The following NCKAP1 variants were observed in gnomAD, a reference collection of about 807,000 sequenced individuals.
NCKAP1 encodes NCK associated protein 1.
A neutral mutation model predicts 151.2 loss-of-function variants in NCKAP1; 21 were observed. That is an observed-to-expected ratio of 0.14 (90% CI 0.10 to 0.20). The LOEUF (loss-of-function observed/expected upper bound fraction) is 0.20. NCKAP1 is among the 10% of genes least tolerant of loss of function. The pLI is 1.00. For missense variants in NCKAP1, 933 were observed against 1,352.1 expected (o/e 0.69, Z 4.86); for synonymous variants, 484 against 451.8 (o/e 1.07, Z -0.90).
intron 15 of NCKAP1, among the ~76,000 whole-genome samples, chr2:182,974,477 A>G (rs912061075): frequency 7.9e-5 from 12 of 152,132 alleles, no homozygotes; most frequent in Admixed American, 7.2e-4. Context: ...TTTGAATGGG[A>G]CCTAATCAAA....
chr2:182,999,605 G>A (rs1426649100), intron 6 of NCKAP1, among the ~76,000 whole-genome samples: 1 of 152,138 alleles, frequency 6.6e-6, no homozygotes, highest in Non-Finnish European at 1.5e-5. Flanking sequence ...ACTTCTGAAA[G>A]AACCAAAAAT....
chr2:182,938,544 G>A (rs1240266840), intron 24 of NCKAP1, among the ~76,000 whole-genome samples: 1 of 152,158 alleles, frequency 6.6e-6, no homozygotes, highest in African/African-American at 2.4e-5. Flanking sequence ...CACACCAAGA[G>A]TGGACAGGTG....
Position 183,038,050 on chromosome 2 carries a change from A to G in NCKAP1, c.50T>C (p.Leu17Pro). The G allele has an allele frequency of 6.3e-7, 1 of 1,587,432 alleles. No homozygotes were observed. The highest frequency in any genetic ancestry group is 8.5e-7 in the Non-Finnish European group (1 of 1,173,942). Reference sequence around the variant, plus strand: ...GACGCCCCGGTCGTTGAGGATGGTGAGCTTCTCCGCCAGCTTCTGCTGACT... The same window carrying G: ...GACGCCCCGGTCGTTGAGGATGGTGGGCTTCTCCGCCAGCTTCTGCTGACT... The part of the protein sequence containing the change: ...QPSQQKLAEK[L>P]TILNDRGVGM... Residue 17 changes from leucine (L) to proline (P), a missense_variant, in exon 1 of 31, where the codon CTC becomes CCC. Physicochemically the swap from Leu to Pro is moderately conservative, Grantham distance 98. Around this residue, in one of 2 missense-constraint regions of NCKAP1, gnomAD observed 607 missense variants for 795.0 expected, o/e 0.76. Transcript: ENST00000361354.
intron 15 of NCKAP1, among the ~76,000 whole-genome samples, chr2:182,972,093 T>C (rs1292351933): frequency 1.3e-5 from 2 of 151,844 alleles, no homozygotes; most frequent in African/African-American, 2.4e-5. Flanking sequence ...AAAAAGCTCC[T>C]GCACAACAAA....
Position 183,038,368 on chromosome 2 carries a change from TCCGCCCCAGCCCCCAACGAG to T in NCKAP1, c.-289_-270del, listed in dbSNP as rs1398703011. On this transcript the variant is annotated 5_prime_UTR_variant, in exon 1 of 31. Coordinates refer to ENST00000361354, the MANE Select transcript of NCKAP1 (RefSeq NM_013436.5). ...CCTTCCGCCCCCACCCCCGGCGCTC[TCCGCCCCAGCCCCCAACGAG>T]CCGCCTTCCCCGGCTGCTCCACTAG... is the stretch of plus-strand genomic sequence containing the variant. 1 of 282,354 alleles carries T rather than the reference TCCGCCCCAGCCCCCAACGAG, an allele frequency of 3.5e-6. No individual in the cohort carries two copies. Among genetic ancestry groups the T allele is most frequent in the Non-Finnish European group, 6.5e-6 (1 of 154,412 alleles). The allele number at this position is 282,354 out of a possible 1,614,324, so 17.5% of individuals were successfully genotyped here. A position where few individuals can be genotyped will look rare whatever the true frequency, so the allele number is the denominator to read the frequency against.
rs751115711 is a variant in NCKAP1 at position 183,002,120 on chromosome 2, A to T, written c.512+7T>A. 2 of 1,612,634 alleles carry T rather than the reference A, an allele frequency of 1.2e-6. No individual in the cohort carries two copies. The highest frequency in any genetic ancestry group is 1.7e-5 in the Admixed American group (1 of 59,830). ...ATTTTAGAAAGACTTTTATAATGCA[A>T]ATCTACCTTGCTCCATGAGTCATTT... On this transcript the variant is annotated splice_region_variant and intron_variant, in intron 5 of 30. Coordinates refer to ENST00000361354, the MANE Select transcript of NCKAP1 (RefSeq NM_013436.5).
At chr2:182,962,345 T>C in intron 17 of NCKAP1, 67 bp from the exon 18 acceptor site, 2 of 1,392,768 alleles carry the variant, frequency 1.4e-6, no homozygotes, top group Non-Finnish European at 1.9e-6. Flanking sequence ...AAAAGACTTC[T>C]AAATAGACAT....
chr2:182,982,999 GAA>G, intron 11 of NCKAP1, 72 bp from the exon 12 acceptor site: 1 of 1,152,196 alleles, frequency 8.7e-7, no homozygotes, highest in African/African-American at 1.6e-5. Flanking sequence ...CTTTCTATGT[GAA>G]AAGTCATTGG....
chr2:182,994,993 C>T (rs533149482), intron 7 of NCKAP1, 106 bp from the exon 8 acceptor site: 15 of 835,046 alleles, frequency 1.8e-5, no homozygotes, highest in African/African-American at 1.0e-4. Flanking sequence ...CCCAATTCTT[C>T]GCCCAAATAC....
chr2:182,919,585 T>C lies in NCKAP1; in HGVS notation c.*6117A>G, dbSNP rs1376229789. ...GAGTGAAACTCATGTGTTTTATACA[T>C]TGAATGCTATCAGTTCAAGGGTGAA... On this transcript the variant is annotated 3_prime_UTR_variant, in exon 31 of 31. Coordinates refer to ENST00000361354, the MANE Select transcript of NCKAP1 (RefSeq NM_013436.5). The C allele has an allele frequency of 1.3e-5, 2 of 152,146 alleles. No individual in the cohort carries two copies. Among genetic ancestry groups the C allele is most frequent in the Non-Finnish European group, 2.9e-5 (2 of 68,022 alleles). The allele number at this position is 152,146 out of a possible 1,614,324, so 9.4% of individuals were successfully genotyped here.
chr2:183,009,613 CT>C (rs1461802684), intron 2 of NCKAP1, among the ~76,000 whole-genome samples: 2 of 152,110 alleles, frequency 1.3e-5, no homozygotes, highest in Non-Finnish European at 2.9e-5. Context: ...AGGTACATTA[CT>C]TTTTTTATTG....
At chr2:182,997,800 G>A (rs980284439) in intron 6 of NCKAP1, among the ~76,000 whole-genome samples, 4 of 152,052 alleles carry the variant, frequency 2.6e-5, no homozygotes, top group African/African-American at 9.7e-5. Flanking sequence ...AAAAAGTTGA[G>A]GGGGAGGGGC....
intron 15 of NCKAP1, among the ~76,000 whole-genome samples, chr2:182,971,121 G>A (rs904402573): frequency 6.6e-5 from 10 of 152,050 alleles, no homozygotes; most frequent in Admixed American, 2.0e-4. Flanking sequence ...TCGGCCGGGC[G>A]CGGTGGCTCA....
rs1326516072 is a variant in NCKAP1 at position 182,923,072 on chromosome 2, G to C, written c.*2630C>G. On this transcript the variant is annotated 3_prime_UTR_variant, in exon 31 of 31. Coordinates refer to ENST00000361354, the MANE Select transcript of NCKAP1 (RefSeq NM_013436.5). ...AAAATCCAAGCTCAACTATAAAAGG[G>C]TCACCTTTTTGCTCACCATTACATG... 6.6e-6 allele frequency: 1 copy of C among 152,150 alleles called. No homozygotes were observed. Among genetic ancestry groups the C allele is most frequent in the South Asian group, 2.1e-4 (1 of 4,824 alleles). The allele number at this position is 152,150 out of a possible 1,614,324, so 9.4% of individuals were successfully genotyped here. A position where few individuals can be genotyped will look rare whatever the true frequency, so the allele number is the denominator to read the frequency against.
At chr2:182,939,709 A>G (rs1486331794) in intron 24 of NCKAP1, among the ~76,000 whole-genome samples, 4 of 152,150 alleles carry the variant, frequency 2.6e-5, no homozygotes, top group Non-Finnish European at 5.9e-5. Context: ...GGACATGGGG[A>G]GAAGGAAGCA....
Position 183,003,262 on chromosome 2 carries a change from A to G in NCKAP1, c.283T>C (p.Phe95Leu). ...AATTCCATAACATCTACAAATGTGA[A>G]GTAATATAATGCCAGATTTTTCAGA... ...EILKNLALYY[F>L]TFVDVMEFKD... The change falls in exon 3 of 31, where the codon TTC becomes CTC. Residue 95 changes from phenylalanine (F) to leucine (L), a missense_variant. Phe to Leu is a conservative substitution (Grantham distance 22, BLOSUM62 0). This residue lies in a region of NCKAP1 where 607 missense variants were observed against 795.0 expected (regional missense o/e 0.76). Coordinates refer to ENST00000361354, the MANE Select transcript of NCKAP1 (RefSeq NM_013436.5). The G allele has an allele frequency of 6.3e-7, 1 of 1,584,116 alleles. No homozygotes were observed. The highest frequency in any genetic ancestry group is 8.6e-7 in the Non-Finnish European group (1 of 1,160,760).
In NCKAP1 at chr2:182,916,845, C is replaced by G. The variant is rs1396602470; in HGVS notation, c.*8857G>C. 6.6e-6 allele frequency: 1 copy of G among 152,122 alleles called. No individual in the cohort carries two copies. The highest frequency in any genetic ancestry group is 1.5e-5 in the Non-Finnish European group (1 of 68,032). The allele number at this position is 152,122 out of a possible 1,614,324, so 9.4% of individuals were successfully genotyped here. A position where few individuals can be genotyped will look rare whatever the true frequency, so the allele number is the denominator to read the frequency against. On this transcript the variant is annotated 3_prime_UTR_variant, in exon 31 of 31. Coordinates refer to ENST00000361354, the MANE Select transcript of NCKAP1 (RefSeq NM_013436.5). ...TTAAAATTAATTTTAGCATCGTTTT[C>G]TGTTAAAGTTACATGACAGGGAAAA...
intron 1 of NCKAP1, among the ~76,000 whole-genome samples, chr2:183,036,815 CAAAGAAA>C (rs1327397960): frequency 1.5e-5 from 2 of 133,522 alleles, no homozygotes; most frequent in Non-Finnish European, 3.2e-5. Context: ...AATGAATTTC[CAAAGAAA>C]AAAAAAAAAA....
rs1252194768 is a variant in NCKAP1 at position 182,913,693 on chromosome 2, T to G, written c.*12009A>C. The G allele has an allele frequency of 1.3e-5, 2 of 152,248 alleles. No individual in the cohort carries two copies. Among genetic ancestry groups the G allele is most frequent in the African/African-American group, 4.8e-5 (2 of 41,468 alleles). 9.4% of individuals were successfully genotyped at this position (152,248 alleles called of 1,614,324 possible). On this transcript the variant is annotated 3_prime_UTR_variant, in exon 31 of 31. Coordinates refer to ENST00000361354, the MANE Select transcript of NCKAP1 (RefSeq NM_013436.5). ...AAAATGAACGAAGATAAGGACCTTC[T>G]CTGCACAGGGCCCTTTTGATTGCAA... is the stretch of plus-strand genomic sequence containing the variant.
Sources: gnomAD v4.1 joint callset for allele counts (sites outside exome capture counted in the v4.1 genomes callset) on GRCh38, gnomAD v4.1.1 for gene constraint, gnomAD v4.1.1 regional missense constraint, MANE v1.5 for transcripts, NCBI Gene and HGNC (gene_info 2026-07-23, HGNC 2026-07-21) for gene names.